The following ATRX variants were observed in gnomAD, a reference collection of about 807,000 sequenced individuals.
ATRX encodes the protein ATRX chromatin remodeler.
In ATRX, 12 loss-of-function variants were observed where a neutral mutation model predicts 172.6. That is an observed-to-expected ratio of 0.07 (90% CI 0.04 to 0.11). The LOEUF (loss-of-function observed/expected upper bound fraction) is 0.11, where lower values mean the gene tolerates loss of function less well. ATRX is among the 10% of genes least tolerant of loss of function. The probability of loss-of-function intolerance (pLI) is 1.00; values close to 1 mark genes in which losing one functional copy is unlikely to be tolerated. For synonymous variants in ATRX, 674 were observed against 594.7 expected (o/e 1.13, Z -1.94); for missense variants, 1,368 against 1,767.4 (o/e 0.77, Z 4.05).
At position 77,714,665 on chromosome X, in the gene ATRX, G is replaced by T. The variant is rs782547824; in HGVS notation, c.133+2466C>A. On this transcript the variant is annotated intron_variant, in intron 2 of 34. Transcript: ENST00000373344. The stretch of plus-strand genomic sequence containing the variant: ...TTTATGTAGTATTCCTGCCAAAAAT[G>T]TATAACCTGAATCTAACCATAACTA... Among the ~76,000 whole-genome samples, 32 of 111,619 alleles carry T rather than the reference G, an allele frequency of 2.9e-4. 1 individual carries two copies. Among genetic ancestry groups the T allele is most frequent in the Non-Finnish European group, 5.8e-4 (31 of 53,157 alleles).
chrX:77,682,402 T>G lies in ATRX; in HGVS notation c.2854A>C (p.Lys952Gln). 1 of 1,211,768 alleles carries G rather than the reference T, an allele frequency of 8.3e-7. No individual in the cohort carries two copies. The highest frequency in any genetic ancestry group is 1.1e-6 in the Non-Finnish European group (1 of 895,425). The change falls in exon 9 of 35, where the codon AAA (lysine) becomes CAA (glutamine). Residue 952 changes from lysine (K) to glutamine (Q), a missense_variant. Transcript: ENST00000373344. ...CCATCCTGTACTTTTTTACATGTTT[T>G]GGTTTTGAGATGCTTGCTCTTTTCT... ...TKEKSKHLKTKTCKKVQDGLS... is the reference protein window; with the variant it reads ...TKEKSKHLKTQTCKKVQDGLS...
rs782382196 is a variant in ATRX at position 77,521,861 on chromosome X, T to C, written c.6976-363A>G. 9.7e-5 allele frequency: 20 copies of C among 205,238 alleles called. No homozygotes were observed. The South Asian group carries it at 1.8e-3, about 18-fold the overall frequency. The allele number at this position is 205,238 out of a possible 1,213,427, so 16.9% of individuals were successfully genotyped here. On this transcript the variant is annotated intron_variant, in intron 32 of 34. Transcript: ENST00000373344. Reference sequence around the variant, plus strand: ...TAGCTTTAAATCATTTATTTCATAATATTGGGCATTATATATTTAATTGTG... The same window carrying C: ...TAGCTTTAAATCATTTATTTCATAACATTGGGCATTATATATTTAATTGTG...
chrX:77,667,295 ATGTGTGTGTGTGTGTGTGTGTG>A (rs782297684), intron 10 of ATRX, among the ~76,000 whole-genome samples: 5 of 89,062 alleles, frequency 5.6e-5, no homozygotes, highest in South Asian at 6.2e-4. Context: ...ACGAATAAAT[ATGTGTGTGTGTGTGTGTGTGTG>A]TGTGTGTGTG....
intron 10 of ATRX, chrX:77,674,140 A>G (rs1402438942): frequency 7.2e-5 from 8 of 111,436 alleles, no homozygotes; most frequent in African/African-American, 2.6e-4. Flanking sequence ...GCTGTCTACC[A>G]AAATACAACC....
intron 22 of ATRX, among the ~76,000 whole-genome samples, chrX:77,607,441 C>T (rs1485099450): frequency 2.7e-5 from 3 of 111,433 alleles, no homozygotes; most frequent in African/African-American, 6.5e-5. Context: ...AGGCAGGGCA[C>T]GGTGGCTCAT....
chrX:77,552,043 AT>A (rs1557056534), intron 30 of ATRX, among the ~76,000 whole-genome samples: 3 of 111,777 alleles, frequency 2.7e-5, no homozygotes, highest in African/African-American at 9.8e-5. Context: ...TAGTTCAACC[AT>A]TGTGGAAGAC....
At chrX:77,594,111 G>C (rs2066385346) in intron 25 of ATRX, 2 of 288,431 alleles carry the variant, frequency 6.9e-6, no homozygotes, top group South Asian at 1.5e-4. Flanking sequence ...GATTGACTCT[G>C]AGAGAGTGCA....
Position 77,783,896 on chromosome X carries a change from C to CT in ATRX, c.20+2085dup, listed in dbSNP as rs1487914724. On this transcript the variant is annotated intron_variant, in intron 1 of 34. Transcript: ENST00000373344. Reference sequence around the variant, plus strand: ...TCTTTACTAGAGGTTTTTCATGTAGCTTAAGACTCTCCTAGCATTAAATAT... The same window carrying CT: ...TCTTTACTAGAGGTTTTTCATGTAGCTTTAAGACTCTCCTAGCATTAAATAT... 2.7e-5 allele frequency among the ~76,000 whole-genome samples: 3 copies of CT among 111,981 alleles called. No individual in the cohort carries two copies. In the East Asian group the frequency reaches 8.3e-4, roughly 31 times the overall value.
At chrX:77,637,809 C>T (rs1394757352) in intron 15 of ATRX, among the ~76,000 whole-genome samples, 6 of 106,931 alleles carry the variant, frequency 5.6e-5, no homozygotes, top group East Asian at 3.0e-4. Context: ...AGGCTGGTGG[C>T]GGGCGCCTGT....
intron 12 of ATRX, among the ~76,000 whole-genome samples, chrX:77,662,168 A>G (rs1256968161): frequency 1.8e-5 from 2 of 111,469 alleles, no homozygotes; most frequent in African/African-American, 6.5e-5. Context: ...AATGTCCCTC[A>G]TGGTGCTATA....
intron 29 of ATRX, 24 bp from the exon 30 acceptor site, chrX:77,557,669 T>C (rs782677846): frequency 6.9e-6 from 8 of 1,152,953 alleles, no homozygotes; most frequent in Admixed American, 2.5e-5. Flanking sequence ...AGGAAGAATA[T>C]ACAAAAAAAT....
At position 77,570,170 on chromosome X, in the gene ATRX, G is replaced by T. The variant is rs978048547; in HGVS notation, c.6326+4080C>A. Reference sequence around the variant, plus strand: ...AAACCAATTCAGTAAAGGAAGTATGGTTTTTTCTTCGTTCTTTTTTTTTTT... The same window carrying T: ...AAACCAATTCAGTAAAGGAAGTATGTTTTTTTCTTCGTTCTTTTTTTTTTT... On this transcript the variant is annotated intron_variant, in intron 28 of 34. Coordinates refer to ENST00000373344, the MANE Select transcript of ATRX (RefSeq NM_000489.6). 3.7e-5 allele frequency among the ~76,000 whole-genome samples: 4 copies of T among 108,422 alleles called. No homozygotes were observed. In the Admixed American group the frequency reaches 4.0e-4, roughly 11 times the overall value. The allele number at this position is 108,422 out of a possible 115,157, so 94.2% of individuals were successfully genotyped here. A position where few individuals can be genotyped will look rare whatever the true frequency, so the allele number is the denominator to read the frequency against.
At chrX:77,667,000 T>C (rs183211315) in intron 10 of ATRX, among the ~76,000 whole-genome samples, 19 of 111,639 alleles carry the variant, frequency 1.7e-4, no homozygotes, top group African/African-American at 5.8e-4. Flanking sequence ...TAAAATGATA[T>C]TCTAAATAAG....
intron 34 of ATRX, among the ~76,000 whole-genome samples, chrX:77,510,799 TA>T (rs2062843298): frequency 1.8e-5 from 2 of 112,370 alleles, no homozygotes; most frequent in South Asian, 7.4e-4. Flanking sequence ...GGCAGATTCC[TA>T]AAGATTCTGA....
rs2148089567 is a variant in ATRX at position 77,589,882 on chromosome X, C to A, written c.6169G>T (p.Ala2057Ser). Reference sequence around the variant, plus strand: ...TTATCTTCTGTCTTCTCCCTACTAGCTAATTCAAGAAAATCTTCAATCAAG... The same window carrying A: ...TTATCTTCTGTCTTCTCCCTACTAGATAATTCAAGAAAATCTTCAATCAAG... ...LDLIEDFLEL[A>S]SREKTEDKDK... The change falls in exon 27 of 35, where the codon GCT becomes TCT. Residue 2057 changes from alanine (A) to serine (S), a missense_variant. Ala to Ser is a moderately conservative substitution (Grantham distance 99, BLOSUM62 1). Around this residue, in one of 17 missense-constraint regions of ATRX, gnomAD observed 45 missense variants for 120.2 expected, o/e 0.37. Transcript: ENST00000373344. The A allele has an allele frequency of 8.3e-7, 1 of 1,210,120 alleles. No individual in the cohort carries two copies.
chrX:77,578,906 C>T (rs1300833422), intron 27 of ATRX, among the ~76,000 whole-genome samples: 1 of 111,484 alleles, frequency 9.0e-6, no homozygotes, highest in Non-Finnish European at 1.9e-5. Flanking sequence ...CAGAGTGGAG[C>T]CCACTGCCCT....
intron 1 of ATRX, among the ~76,000 whole-genome samples, chrX:77,767,481 C>T (rs1335525284): frequency 3.6e-5 from 4 of 109,906 alleles, no homozygotes; most frequent in Non-Finnish European, 5.7e-5. Flanking sequence ...CTGCAACCTC[C>T]GACTCCTGGG....
intron 15 of ATRX, among the ~76,000 whole-genome samples, chrX:77,640,033 C>G (rs782473520): frequency 8.9e-6 from 1 of 112,134 alleles, no homozygotes; most frequent in Admixed American, 9.5e-5. Context: ...TCTACAGCAA[C>G]TTGGAGGCAG....
intron 30 of ATRX, among the ~76,000 whole-genome samples, chrX:77,551,236 C>T (rs1422684921): frequency 5.4e-5 from 6 of 111,805 alleles, no homozygotes; most frequent in Non-Finnish European, 9.4e-5. Context: ...CTATAGTAAC[C>T]AAAACAGCAT....
Sources: gnomAD v4.1 joint callset for allele counts (sites outside exome capture counted in the v4.1 genomes callset) on GRCh38, gnomAD v4.1.1 for gene constraint, gnomAD v4.1.1 regional missense constraint, MANE v1.5 for transcripts, NCBI Gene and HGNC (gene_info 2026-07-23, HGNC 2026-07-21) for gene names.